IVD: variants seen among roughly 807,000 people sequenced by gnomAD.
IVD encodes isovaleryl-CoA dehydrogenase, mitochondrial.
IVD carries 31 observed loss-of-function variants against 51.3 expected under a neutral mutation model. That is an observed-to-expected ratio of 0.60 (90% confidence interval 0.45 to 0.81). IVD has a LOEUF of 0.81. Among genes scored for constraint, IVD ranks in the 40% least tolerant of loss-of-function variants. The pLI is 0.00. For missense variants in IVD, 475 were observed against 552.0 expected, an observed-to-expected ratio of 0.86 and a Z score of 1.40; for synonymous variants, 205 against 219.4, an observed-to-expected ratio of 0.93 and a Z score of 0.58.
At chr15:40,418,014 G>C in intron 11 of IVD, 116 bp from the exon 12 acceptor site, 1 of 1,468,624 alleles carries the variant, frequency 6.8e-7, no homozygotes, top group African/African-American at 1.4e-5. Flanking sequence ...ACCTTTTGCT[G>C]CTTTTCTTTA....
In IVD at chr15:40,418,811, C is replaced by G. The variant is rs2141377223; in HGVS notation, c.*548C>G. 9.5e-7 allele frequency: 1 copy of G among 1,051,412 alleles called. No homozygotes were observed. The highest frequency in any genetic ancestry group is 1.2e-6 in the Non-Finnish European group (1 of 854,168). The allele number at this position is 1,051,412 out of a possible 1,614,324, so 65.1% of individuals were successfully genotyped here. A position where few individuals can be genotyped will look rare whatever the true frequency, so the allele number is the denominator to read the frequency against. On this transcript the variant is annotated 3_prime_UTR_variant, in exon 12 of 12. Coordinates refer to ENST00000487418, the MANE Select transcript of IVD (RefSeq NM_002225.5). ...TTTTGGATAAGGCAAATTCAACTTT[C>G]AGTCTCTTTTCTGGGGGAAAAAAAT... is the stretch of plus-strand genomic sequence containing the variant.
In IVD at chr15:40,421,189, A is replaced by C; in HGVS notation, c.*2926A>C. On this transcript the variant is annotated 3_prime_UTR_variant, in exon 12 of 12. Transcript: ENST00000487418. ...ACCAGCCTGGAGACAATGTGGCAAA[A>C]TGGGGCGCTTCATCCAGTCTGTCTA... The C allele has an allele frequency of 3.0e-6, 3 of 985,440 alleles. No individual in the cohort carries two copies. The East Asian group carries it at 3.4e-4, about 112-fold the overall frequency. 61.0% of individuals were successfully genotyped at this position (985,440 alleles called of 1,614,324 possible).
intron 1 of IVD, among the ~76,000 whole-genome samples, chr15:40,406,868 T>C (rs959059449): frequency 6.6e-5 from 10 of 150,754 alleles, no homozygotes; most frequent in Admixed American, 3.3e-4. Flanking sequence ...TTTTTTCTTT[T>C]TTTTTTTTTT....
chr15:40,421,435 C>T (rs1239928609), downstream of IVD: 37 of 978,944 alleles, frequency 3.8e-5, no homozygotes, highest in Non-Finnish European at 4.5e-5. Flanking sequence ...CTCCTTCCTG[C>T]GGCTGGCTCT....
intron 8 of IVD, 85 bp downstream of exon 8, chr15:40,415,067 T>C: frequency 6.6e-7 from 1 of 1,516,644 alleles, no homozygotes; most frequent in Non-Finnish European, 9.0e-7. Flanking sequence ...GCCTTCCCCT[T>C]GCGGGGCCAA....
chr15:40,422,585 C>CTTTTTTTT (rs1157351420), downstream of IVD, among the ~76,000 whole-genome samples: 47 of 69,148 alleles, frequency 6.8e-4, 4 homozygotes, highest in African/African-American at 9.0e-4. Flanking sequence ...GCCCGGCCGA[C>CTTTTTTTT]TTTTTTTTTT....
chr15:40,415,787 G>A (rs1891604048), intron 9 of IVD, among the ~76,000 whole-genome samples: 1 of 152,218 alleles, frequency 6.6e-6, no homozygotes, highest in Non-Finnish European at 1.5e-5. Context: ...AGACCTTCTG[G>A]TCCGAAGAAG....
At position 40,421,062 on chromosome 15, in the gene IVD, C is replaced by T. The variant is rs1364344708; in HGVS notation, c.*2799C>T. 1.0e-6 allele frequency: 1 copy of T among 985,460 alleles called. No individual in the cohort carries two copies. Among genetic ancestry groups the T allele is most frequent in the South Asian group, 4.7e-5 (1 of 21,292 alleles). The allele number at this position is 985,460 out of a possible 1,614,324, so 61.0% of individuals were successfully genotyped here. On this transcript the variant is annotated 3_prime_UTR_variant, in exon 12 of 12. Transcript: ENST00000487418. ...CCCATCCTGAGGGCAAGATCCTGGG[C>T]TCATAGGCAGTCCCTTTCACTTCCT...
In IVD at chr15:40,407,665, G is replaced by C; in HGVS notation, c.174G>C (p.Gln58His). 6.2e-7 allele frequency: 1 copy of C among 1,614,214 alleles called. No individual in the cohort carries two copies. The highest frequency in any genetic ancestry group is 8.5e-7 in the Non-Finnish European group (1 of 1,180,034). Residue 58 changes from glutamine (Q) to histidine (H), a missense_variant, in exon 2 of 12, where the codon CAG (glutamine) becomes CAC (histidine). Gln to His is a conservative substitution (Grantham distance 24). Coordinates refer to ENST00000487418, the MANE Select transcript of IVD (RefSeq NM_002225.5). ...QLRQTMAKFL[Q>H]EHLAPKAQEI... ...GTCAGACCATGGCTAAGTTCCTTCA[G>C]GAGCACCTGGCCCCCAAGGCCCAGG...
rs576829077 is a variant in IVD at position 40,420,476 on chromosome 15, C to A, written c.*2213C>A. On this transcript the variant is annotated 3_prime_UTR_variant, in exon 12 of 12. Coordinates refer to ENST00000487418, the MANE Select transcript of IVD (RefSeq NM_002225.5). The stretch of plus-strand genomic sequence containing the variant: ...ATCTGGGGAGAAGCAATCTACTTGC[C>A]GCTGCTTCCTGTCTGGATCCAGCTT... 208 of 987,634 alleles carry A rather than the reference C, an allele frequency of 2.1e-4. No individual in the cohort carries two copies. The African/African-American group carries it at 3.5e-3, about 17-fold the overall frequency. 61.2% of individuals were successfully genotyped at this position (987,634 alleles called of 1,614,324 possible).
chr15:40,407,179 A>G (rs1890536226), intron 1 of IVD, among the ~76,000 whole-genome samples: 2 of 152,226 alleles, frequency 1.3e-5, no homozygotes, highest in Non-Finnish European at 2.9e-5. Context: ...AGGCGTTTCT[A>G]ATCTCTTTGG....
intron 8 of IVD, chr15:40,435,335 A>C: frequency 9.6e-6 from 9 of 933,310 alleles, no homozygotes; most frequent in African/African-American, 1.8e-5. Flanking sequence ...TCCCCGGGGA[A>C]AGAGATGGTA....
At chr15:40,417,670 G>A (rs567997232) in intron 11 of IVD, among the ~76,000 whole-genome samples, 11 of 152,250 alleles carry the variant, frequency 7.2e-5, no homozygotes, top group South Asian at 2.1e-4. Flanking sequence ...CTACCTGCCC[G>A]TTAGTAGTCA....
chr15:40,409,216 T>C (rs1890786989), intron 3 of IVD, among the ~76,000 whole-genome samples: 1 of 151,994 alleles, frequency 6.6e-6, no homozygotes, highest in African/African-American at 2.4e-5. Flanking sequence ...AGATTGTATT[T>C]TACGGAAGAA....
rs1891930558 is a variant in IVD, at chr15:40,418,257, T to C, written c.1266T>C (p.Phe422=). ...LVIGRAFNAD[F]H is the part of the protein sequence containing the mutation. Reference sequence around the variant, plus strand: ...TCGGCAGAGCCTTCAATGCAGACTTTCACTAGTCCTGAGACCCTTCGCCCC... The same window carrying C: ...TCGGCAGAGCCTTCAATGCAGACTTCCACTAGTCCTGAGACCCTTCGCCCC... The change falls in exon 12 of 12, where the codon TTT becomes TTC. Residue 422 remains phenylalanine, a synonymous_variant. Coordinates refer to ENST00000487418, the MANE Select transcript of IVD (RefSeq NM_002225.5). The C allele has an allele frequency of 1.2e-6, 2 of 1,613,962 alleles. No homozygotes were observed. The highest frequency in any genetic ancestry group is 8.5e-7 in the Non-Finnish European group (1 of 1,179,990).
downstream of IVD, among the ~76,000 whole-genome samples, chr15:40,429,445 A>G (rs746866701): frequency 1.3e-5 from 2 of 152,202 alleles, no homozygotes; most frequent in African/African-American, 4.8e-5. Context: ...AGACATCTCA[A>G]TTACTCCAAT....
chr15:40,435,584 A>G, downstream of IVD: 1 of 1,132,274 alleles, frequency 8.8e-7, no homozygotes, highest in Non-Finnish European at 1.1e-6. Flanking sequence ...CTCAGACCAG[A>G]AGCTTCCTTT....
intron 7 of IVD, chr15:40,433,719 C>A: frequency 2.7e-6 from 1 of 369,318 alleles, no homozygotes; most frequent in South Asian, 2.1e-5. Context: ...TTTCTATTTA[C>A]CAATTGTTTA....
chr15:40,409,581 C>T (rs1345074161), intron 3 of IVD, among the ~76,000 whole-genome samples: 1 of 152,116 alleles, frequency 6.6e-6, no homozygotes, highest in African/African-American at 2.4e-5. Flanking sequence ...GAGCCTAGAA[C>T]GAGCCTGACT....
Sources: allele counts gnomAD v4.1 joint callset (sites outside exome capture counted in the v4.1 genomes callset), GRCh38; gene constraint gnomAD v4.1.1; transcripts MANE v1.5; gene names NCBI Gene and HGNC (gene_info 2026-07-23, HGNC 2026-07-21).